Variants in SOX30 observed in about 807,000 individuals in gnomAD.
SOX30 encodes the protein SRY-box transcription factor 30, also known as transcription factor SOX-30.
A neutral mutation model predicts 58.6 loss-of-function variants in SOX30; 17 were observed. That is an observed-to-expected ratio of 0.29 (90% CI 0.20 to 0.44). The LOEUF (loss-of-function observed/expected upper bound fraction) is 0.44. SOX30 is among the 20% of genes least tolerant of loss of function. The pLI is 1.00. For synonymous variants in SOX30, 421 were observed against 400.2 expected (o/e 1.05, Z -0.62); for missense variants, 951 against 965.8 (o/e 0.98, Z 0.20).
At chr5:157,664,095 C>CTACTT (rs56104456) in intron 2 of SOX30, among the ~76,000 whole-genome samples, 78,671 of 135,330 alleles carry the variant, frequency 0.58, 25,119 homozygotes, top group African/African-American at 0.85. Context: ...TTGGAAAAAA[C>CTACTT]TAAAGTTCAT....
In SOX30 at chr5:157,667,767, C is replaced by CATACAT. The variant is rs768215844; in HGVS notation, c.52+30_52+31insATGTAT. 3.7e-5 allele frequency: 16 copies of CATACAT among 436,242 alleles called. No homozygotes were observed. The African/African-American group carries it at 7.0e-4, about 19-fold the overall frequency. The allele number at this position is 436,242 out of a possible 1,614,324, so 27.0% of individuals were successfully genotyped here. On this transcript the variant is annotated intron_variant, in intron 2 of 5. Transcript: ENST00000519442. ...ATACATACATACATACATACATACA[C>CATACAT]ACACACACACACACACACACACATA...
chr5:157,658,229 C>T (rs72813210), intron 2 of SOX30, among the ~76,000 whole-genome samples: 6,392 of 152,286 alleles, frequency 0.042, 210 homozygotes, highest in South Asian at 0.099. Context: ...ATTCTCATTG[C>T]ACTTTATACA....
At chr5:157,644,785 A>T (rs145635865) in intron 3 of SOX30, among the ~76,000 whole-genome samples, 13,996 of 152,188 alleles carry the variant, frequency 0.092, 740 homozygotes, top group Middle Eastern at 0.15. Flanking sequence ...GTTCGAGACA[A>T]GCCTGGCTAA....
intron 2 of SOX30, among the ~76,000 whole-genome samples, chr5:157,664,599 AT>A (rs1759636513): frequency 6.6e-6 from 1 of 152,214 alleles, no homozygotes; most frequent in Admixed American, 6.5e-5. Context: ...AAATTGACAA[AT>A]GGGATCTAAT....
chr5:157,670,148 T>A (rs2113862576), intron 1 of SOX30, among the ~76,000 whole-genome samples: 1 of 152,296 alleles, frequency 6.6e-6, no homozygotes. Context: ...GTGCTGTTCA[T>A]CACAGCAACT....
intron 4 of SOX30, among the ~76,000 whole-genome samples, chr5:157,633,859 T>C (rs1366105811): frequency 6.6e-6 from 1 of 152,204 alleles, no homozygotes; most frequent in Non-Finnish European, 1.5e-5. Flanking sequence ...TCTTTATCCC[T>C]ACTTACATAG....
At chr5:157,631,051 A>ATATATATATACACAATATATATATTT (rs1420099464) in intron 4 of SOX30, among the ~76,000 whole-genome samples, 1 of 40,702 alleles carries the variant, frequency 2.5e-5, no homozygotes, top group African/African-American at 8.6e-5. Context: ...TATATTTTAT[A>ATATATATATACACAATATATATATTT]TATATATATA....
rs1478859817 is a variant in SOX30, at chr5:157,626,402, G to A, written c.2200C>T (p.Gln734Ter). The A allele has an allele frequency of 1.2e-6, 2 of 1,613,618 alleles. No individual in the cohort carries two copies. Among genetic ancestry groups the A allele is most frequent in the Non-Finnish European group, 1.7e-6 (2 of 1,179,678 alleles). ...TCACTGTCGGTGACATTGACTTGCTGGATGCTAGAAGGAGTTGATGTCGGG... is the reference window on the plus strand; with the variant it reads ...TCACTGTCGGTGACATTGACTTGCTAGATGCTAGAAGGAGTTGATGTCGGG... ...TAPTSTPSSI[Q>*]QVNVTDSDEE... The change falls in exon 5 of 5, where the codon CAG becomes TAG. Residue 734 changes from glutamine to a stop codon, truncating the protein, a stop_gained. Coordinates refer to ENST00000265007, the MANE Select transcript of SOX30 (RefSeq NM_178424.2). LOFTEE classifies it high-confidence loss of function.
chr5:157,640,305 T>A (rs994544706), intron 3 of SOX30, among the ~76,000 whole-genome samples: 1 of 152,160 alleles, frequency 6.6e-6, no homozygotes, highest in Admixed American at 6.5e-5. Context: ...TATGAATGGA[T>A]ACAGCTTTAT....
upstream of SOX30, among the ~76,000 whole-genome samples, chr5:157,656,111 A>T (rs1259623936): frequency 6.6e-6 from 1 of 152,160 alleles, no homozygotes; most frequent in African/African-American, 2.4e-5. Context: ...TCAGGGTTCA[A>T]TTCCCATCTT....
chr5:157,647,105 G>A (rs905663910), intron 2 of SOX30, among the ~76,000 whole-genome samples: 15 of 149,726 alleles, frequency 1.0e-4, no homozygotes, highest in Non-Finnish European at 1.9e-4. Flanking sequence ...ACTGTTGCCC[G>A]GGCTGGAGTG....
At position 157,626,542 on chromosome 5, in the gene SOX30, C is replaced by A. The variant is rs767186713; in HGVS notation, c.2060G>T (p.Ser687Ile). The A allele has an allele frequency of 6.2e-7, 1 of 1,614,174 alleles. No homozygotes were observed. The highest frequency in any genetic ancestry group is 1.1e-5 in the South Asian group (1 of 91,080). ...SECTHSENSR[S>I]CENMNGTSYY... Reference sequence around the variant, plus strand: ...AGAAGTTCCATTCATGTTCTCACAACTCCGAGAATTTTCACTGTGTGTGCA... The same window carrying A: ...AGAAGTTCCATTCATGTTCTCACAAATCCGAGAATTTTCACTGTGTGTGCA... Residue 687 changes from serine to isoleucine, a missense_variant, in exon 5 of 5, where the codon AGT becomes ATT. Physicochemically the swap from Ser to Ile is moderately radical, Grantham distance 142. Around this residue, in one of 7 missense-constraint regions of SOX30, gnomAD observed 381 missense variants for 390.0 expected, o/e 0.98. Transcript: ENST00000265007.
intron 4 of SOX30, among the ~76,000 whole-genome samples, chr5:157,627,326 G>A (rs1357529102): frequency 2.0e-5 from 3 of 152,210 alleles, no homozygotes; most frequent in East Asian, 3.9e-4. Context: ...CTGCGCCACT[G>A]CACTCCAGCC....
At chr5:157,659,764 T>C (rs780278675) in intron 2 of SOX30, among the ~76,000 whole-genome samples, 4 of 152,214 alleles carry the variant, frequency 2.6e-5, no homozygotes, top group Admixed American at 6.5e-5. Flanking sequence ...AAGATGTACA[T>C]AGCTTCAGTC....
Position 157,626,094 on chromosome 5 carries a change from G to A in SOX30, c.*246C>T, listed in dbSNP as rs1037974439. ...CCAGGATAAAGTAATAATAATACAT[G>A]TTGATGCAAATTTCAGCCATTAAAA... On this transcript the variant is annotated 3_prime_UTR_variant, in exon 5 of 5. Transcript: ENST00000265007. 7 of 393,042 alleles carry A rather than the reference G, an allele frequency of 1.8e-5. No individual in the cohort carries two copies. Among genetic ancestry groups the A allele is most frequent in the Non-Finnish European group, 3.2e-5 (7 of 222,120 alleles). 24.3% of individuals were successfully genotyped at this position (393,042 alleles called of 1,614,324 possible).
intron 3 of SOX30, among the ~76,000 whole-genome samples, chr5:157,640,214 A>G (rs757565353): frequency 1.1e-4 from 16 of 152,322 alleles, no homozygotes; most frequent in Non-Finnish European, 2.2e-4. Context: ...AAACTGGGAG[A>G]TTGAGAGCAG....
At chr5:157,650,168 T>G (rs1355075793) in intron 1 of SOX30, among the ~76,000 whole-genome samples, 1 of 152,122 alleles carries the variant, frequency 6.6e-6, no homozygotes, top group African/African-American at 2.4e-5. Flanking sequence ...TTAGGATTAC[T>G]TCATATATTA....
chr5:157,663,142 A>G (rs965422764), intron 2 of SOX30, among the ~76,000 whole-genome samples: 5 of 152,200 alleles, frequency 3.3e-5, no homozygotes, highest in Non-Finnish European at 7.3e-5. Flanking sequence ...TGGCAGAGAC[A>G]CAACAAAAAA....
At chr5:157,632,602 C>T (rs1758839598) in intron 4 of SOX30, among the ~76,000 whole-genome samples, 1 of 152,074 alleles carries the variant, frequency 6.6e-6, no homozygotes, top group Non-Finnish European at 1.5e-5. Flanking sequence ...AAGAGCGAAA[C>T]TCCATCTCAA....
Sources: gnomAD v4.1 joint callset for allele counts (sites outside exome capture counted in the v4.1 genomes callset) on GRCh38, gnomAD v4.1.1 for gene constraint, gnomAD v4.1.1 regional missense constraint, MANE v1.5 for transcripts, NCBI Gene and HGNC (gene_info 2026-07-23, HGNC 2026-07-21) for gene names.